CYP2J2: variants seen among roughly 807,000 people sequenced by gnomAD.
The protein encoded by CYP2J2 is cytochrome P450 2J2.
A neutral mutation model predicts 48.8 loss-of-function variants in CYP2J2; 41 were observed. The observed-to-expected ratio is 0.84, with a 90% CI of 0.66 to 1.09. CYP2J2 has a LOEUF of 1.09. Ranked by LOEUF, CYP2J2 falls within the 50% of genes least tolerant of loss-of-function variation. CYP2J2 has a pLI of 0.00. For synonymous variants in CYP2J2, 221 were observed against 227.1 expected, an observed-to-expected ratio of 0.97 and a Z score of 0.24; for missense variants, 644 against 617.3, an observed-to-expected ratio of 1.04 and a Z score of -0.46.
At chr1:59,938,950 C>CA in the CYP2J2 span, among the ~76,000 whole-genome samples, 1 of 152,196 alleles carries the variant, frequency 6.6e-6, no homozygotes, top group Non-Finnish European at 1.5e-5. Context: ...TAACAAAGCA[C>CA]ATCCTGCATA....
At chr1:59,953,408 G>C in the CYP2J2 span, among the ~76,000 whole-genome samples, 2 of 152,056 alleles carry the variant, frequency 1.3e-5, no homozygotes, top group Admixed American at 6.6e-5. Context: ...TAGAGAAAAA[G>C]AGTAAATGAA....
intron 8 of CYP2J2, among the ~76,000 whole-genome samples, chr1:59,894,268 T>C (rs1644249880): frequency 6.6e-6 from 1 of 152,102 alleles, no homozygotes; most frequent in Non-Finnish European, 1.5e-5. Context: ...CAGAGCAGAG[T>C]TCCTAAGGTA....
chr1:59,901,226 T>C, intron 7 of CYP2J2, 123 bp from the exon 8 acceptor site: 1 of 959,294 alleles, frequency 1.0e-6, no homozygotes, highest in Non-Finnish European at 1.6e-6. Flanking sequence ...CCCTCCCCAA[T>C]TGTGGTACAC....
intron 1 of CYP2J2, among the ~76,000 whole-genome samples, chr1:59,916,988 A>G (rs188780570): frequency 1.3e-5 from 2 of 152,258 alleles, no homozygotes; most frequent in Admixed American, 1.3e-4. Context: ...GCTAGATAAT[A>G]CGAGGTGCAT....
At chr1:59,961,052 GAAGT>G in the CYP2J2 span, among the ~76,000 whole-genome samples, 1 of 152,106 alleles carries the variant, frequency 6.6e-6, no homozygotes, top group Non-Finnish European at 1.5e-5. Context: ...AGAAAACATG[GAAGT>G]AAGTCTGCAT....
At chr1:59,902,559 G>A (rs181740149) in intron 7 of CYP2J2, among the ~76,000 whole-genome samples, 1 of 152,042 alleles carries the variant, frequency 6.6e-6, no homozygotes, top group East Asian at 1.9e-4. Flanking sequence ...AGGATTACAG[G>A]TGCCCACCAC....
chr1:59,917,335 G>A (rs1644475201), intron 1 of CYP2J2, among the ~76,000 whole-genome samples: 1 of 152,204 alleles, frequency 6.6e-6, no homozygotes, highest in African/African-American at 2.4e-5. Flanking sequence ...GTGGGAAGAA[G>A]GCACTCATGG....
chr1:59,943,028 T>C, the CYP2J2 span, among the ~76,000 whole-genome samples: 509 of 152,232 alleles, frequency 3.3e-3, 1 homozygote, highest in African/African-American at 0.012. Context: ...TTTGTTGATA[T>C]GAGAAAAAAA....
intron 8 of CYP2J2, among the ~76,000 whole-genome samples, chr1:59,895,216 T>C (rs1424522260): frequency 6.6e-6 from 1 of 152,232 alleles, no homozygotes; most frequent in African/African-American, 2.4e-5. Flanking sequence ...AGCCAGTACA[T>C]GATCATGGAT....
At chr1:59,937,800 C>T in the CYP2J2 span, among the ~76,000 whole-genome samples, 1 of 151,828 alleles carries the variant, frequency 6.6e-6, no homozygotes, top group South Asian at 2.1e-4. Context: ...GTCAAATACC[C>T]CATCTTTGAG....
At chr1:59,948,638 T>C in the CYP2J2 span, among the ~76,000 whole-genome samples, 1 of 152,242 alleles carries the variant, frequency 6.6e-6, no homozygotes. Flanking sequence ...CACTACCTTA[T>C]TGCACTAATA....
chr1:59,948,438 C>T, the CYP2J2 span, among the ~76,000 whole-genome samples: 2 of 152,084 alleles, frequency 1.3e-5, no homozygotes, highest in Non-Finnish European at 2.9e-5. Context: ...CTTATTTAGG[C>T]ATTTATAAAT....
chr1:59,951,691 G>C, the CYP2J2 span, among the ~76,000 whole-genome samples: 2 of 152,172 alleles, frequency 1.3e-5, no homozygotes, highest in Non-Finnish European at 2.9e-5. Flanking sequence ...ACCAAGAAAT[G>C]TATGGTGACT....
At chr1:59,919,254 G>T (rs574042067) in intron 1 of CYP2J2, among the ~76,000 whole-genome samples, 1 of 152,106 alleles carries the variant, frequency 6.6e-6, no homozygotes, top group Non-Finnish European at 1.5e-5. Flanking sequence ...TTTTAAAGTC[G>T]TATGTTTATG....
chr1:59,911,958 C>A (rs917806866), intron 3 of CYP2J2, among the ~76,000 whole-genome samples, 190 bp from the exon 4 acceptor site: 4 of 152,144 alleles, frequency 2.6e-5, no homozygotes. Flanking sequence ...AAACTGCGGA[C>A]CAGGGCTTAA....
chr1:59,909,610 T>C (rs1644393926), intron 5 of CYP2J2, among the ~76,000 whole-genome samples, 174 bp downstream of exon 5: 1 of 152,182 alleles, frequency 6.6e-6, no homozygotes, highest in South Asian at 2.1e-4. Context: ...CAAAACCTTA[T>C]CTGTAACCCA....
the CYP2J2 span, among the ~76,000 whole-genome samples, chr1:59,933,323 G>C: frequency 6.6e-6 from 1 of 152,008 alleles, no homozygotes; most frequent in Admixed American, 6.6e-5. Flanking sequence ...AGACAGAAAA[G>C]AAACAAAAAC....
At chr1:59,949,196 G>T in the CYP2J2 span, among the ~76,000 whole-genome samples, 4 of 151,970 alleles carry the variant, frequency 2.6e-5, no homozygotes, top group African/African-American at 9.7e-5. Flanking sequence ...ACAACTTATG[G>T]GTCCATAGAG....
At chr1:59,963,474 A>G in the CYP2J2 span, among the ~76,000 whole-genome samples, 1 of 152,240 alleles carries the variant, frequency 6.6e-6, no homozygotes, top group Non-Finnish European at 1.5e-5. Flanking sequence ...TACTACCCTT[A>G]GCATAATGTT....
Sources: allele counts gnomAD v4.1 joint callset (sites outside exome capture counted in the v4.1 genomes callset), GRCh38; gene constraint gnomAD v4.1.1; transcripts MANE v1.5; gene names NCBI Gene and HGNC (gene_info 2026-07-23, HGNC 2026-07-21).